The following RRM2B variants were observed in gnomAD, a reference collection of about 807,000 sequenced individuals.
RRM2B encodes the protein ribonucleotide reductase regulatory TP53 inducible subunit M2B.
In RRM2B, 20 loss-of-function variants were observed where a neutral mutation model predicts 45.9. That is an observed-to-expected ratio of 0.44 (90% CI 0.31 to 0.63). The LOEUF is 0.63. RRM2B is among the 30% of genes least tolerant of loss of function. RRM2B has a pLI of 0.09. For missense variants in RRM2B, 320 were observed against 414.7 expected, an observed-to-expected ratio of 0.77 and a Z score of 1.98; for synonymous variants, 124 against 132.3, an observed-to-expected ratio of 0.94 and a Z score of 0.43.
intron 5 of RRM2B, 118 bp downstream of exon 5, chr8:102,223,928 G>C (rs1185732568): frequency 5.1e-6 from 4 of 782,694 alleles, no homozygotes; most frequent in Non-Finnish European, 6.9e-6. Context: ...GTGCATTTGA[G>C]ACATTTGTAC....
intron 8 of RRM2B, among the ~76,000 whole-genome samples, chr8:102,209,383 G>C (rs1017110471): frequency 1.3e-5 from 2 of 152,146 alleles, no homozygotes; most frequent in South Asian, 2.1e-4. Flanking sequence ...AAAATGAAAA[G>C]ATGCTCAGCA....
At chr8:102,238,179 G>A (rs1811155646) in intron 1 of RRM2B, among the ~76,000 whole-genome samples, 1 of 152,184 alleles carries the variant, frequency 6.6e-6, no homozygotes, top group African/African-American at 2.4e-5. Flanking sequence ...TACAATTTTC[G>A]TGGCACTTTG....
intron 7 of RRM2B, among the ~76,000 whole-genome samples, chr8:102,213,560 A>C (rs1043978932): frequency 2.0e-5 from 3 of 152,200 alleles, no homozygotes; most frequent in Non-Finnish European, 4.4e-5. Flanking sequence ...ACACATCCTA[A>C]GTAGCGCATC....
At chr8:102,218,750 A>G in intron 6 of RRM2B, 64 bp downstream of exon 6, 3 of 1,412,814 alleles carry the variant, frequency 2.1e-6, no homozygotes, top group Non-Finnish European at 2.9e-6. Flanking sequence ...AAAGATGGAA[A>G]AGAAAAATAG....
intron 4 of RRM2B, among the ~76,000 whole-genome samples, chr8:102,224,342 CG>C (rs1810888976): frequency 6.6e-6 from 1 of 152,012 alleles, no homozygotes; most frequent in African/African-American, 2.4e-5. Context: ...CCACCACGCC[CG>C]GCTAGTATTT....
chr8:102,232,077 TC>T, intron 2 of RRM2B, 71 bp downstream of exon 2: 15 of 1,343,950 alleles, frequency 1.1e-5, no homozygotes, highest in Non-Finnish European at 1.6e-5. Context: ...TTAAAGTTAT[TC>T]AATATCCTGT....
At chr8:102,234,733 C>G (rs1811090479) in intron 1 of RRM2B, 1 of 153,166 alleles carries the variant, frequency 6.5e-6, no homozygotes, top group Admixed American at 6.5e-5. Context: ...ACCTGTAGTC[C>G]CAGCTACTCG....
chr8:102,235,580 C>T (rs1811105714), intron 1 of RRM2B, among the ~76,000 whole-genome samples: 1 of 152,234 alleles, frequency 6.6e-6, no homozygotes, highest in Non-Finnish European at 1.5e-5. Context: ...GTGCCTCACG[C>T]CTGTAATCCC....
rs1414341593 is a variant in RRM2B, at chr8:102,206,222, G to C, written c.*1911C>G. 1 of 150,824 alleles carries C rather than the reference G, an allele frequency of 6.6e-6. No individual in the cohort carries two copies. The highest frequency in any genetic ancestry group is 1.5e-5 in the Non-Finnish European group (1 of 67,526). 9.3% of individuals were successfully genotyped at this position (150,824 alleles called of 1,614,324 possible). On this transcript the variant is annotated 3_prime_UTR_variant, in exon 9 of 9. Transcript: ENST00000251810. The stretch of plus-strand genomic sequence containing the variant: ...ACATAGATGGTAAAGGACTAAATCT[G>C]AGACATTACAACCTCTAAAAAAAAA...
intron 8 of RRM2B, 47 bp downstream of exon 8, chr8:102,212,729 T>G: frequency 1.0e-6 from 1 of 985,350 alleles, no homozygotes; most frequent in Non-Finnish European, 1.6e-6. Flanking sequence ...GGTCCTTGCT[T>G]TCCTATAATA....
At chr8:102,218,504 G>A (rs924642454) in intron 6 of RRM2B, among the ~76,000 whole-genome samples, 1 of 152,062 alleles carries the variant, frequency 6.6e-6, no homozygotes, top group East Asian at 1.9e-4. Context: ...GATCGCTTGA[G>A]GCCAGGAGTT....
In RRM2B at chr8:102,235,194, T is replaced by C. The variant is rs145685059; in HGVS notation, c.49-2890A>G. On this transcript the variant is annotated intron_variant, in intron 1 of 8. Coordinates refer to ENST00000251810, the MANE Select transcript of RRM2B (RefSeq NM_015713.5). ...GGCAGAAAGAACAATGAAAAGATTATTGTACTACCCATCTCTTGCCTGAAC... is the reference window on the plus strand; with the variant it reads ...GGCAGAAAGAACAATGAAAAGATTACTGTACTACCCATCTCTTGCCTGAAC... Among the ~76,000 whole-genome samples, 351 of 152,326 alleles carry C rather than the reference T, an allele frequency of 2.3e-3. 1 individual carries two copies. The highest frequency in any genetic ancestry group is 8.2e-3 in the African/African-American group (341 of 41,578).
chr8:102,227,992 A>T (rs1159574966), intron 2 of RRM2B, among the ~76,000 whole-genome samples: 1 of 152,218 alleles, frequency 6.6e-6, no homozygotes, highest in Non-Finnish European at 1.5e-5. Context: ...GGGCAGAAGA[A>T]GATGGTCCCC....
At chr8:102,235,604 G>T (rs1811106577) in intron 1 of RRM2B, among the ~76,000 whole-genome samples, 1 of 152,180 alleles carries the variant, frequency 6.6e-6, no homozygotes, top group African/African-American at 2.4e-5. Flanking sequence ...ACTTTCGGAG[G>T]CCGAGGCGGG....
Position 102,238,854 on chromosome 8 carries a change from C to T in RRM2B, c.21G>A (p.Pro7=), listed in dbSNP as rs1450164500. 2.5e-6 allele frequency: 4 copies of T among 1,612,896 alleles called. No individual in the cohort carries two copies. In the African/African-American group the frequency reaches 5.3e-5, roughly 22 times the overall value. ...CATCCTGATCCAGCCCGGCCGCTTC[C>T]GGCCTTTCCGGGTCGCCCATCGCGC... The part of the protein sequence containing the change: MGDPER[P]EAAGLDQDER... Residue 7 remains proline (P), a synonymous_variant, in exon 1 of 9, where the codon CCG becomes CCA. Coordinates refer to ENST00000251810, the MANE Select transcript of RRM2B (RefSeq NM_015713.5).
chr8:102,224,788 T>C, intron 4 of RRM2B, 97 bp downstream of exon 4: 1 of 1,234,254 alleles, frequency 8.1e-7, no homozygotes, highest in Admixed American at 1.9e-5. Context: ...CTTCCATACT[T>C]GAATAATCTT....
intron 6 of RRM2B, among the ~76,000 whole-genome samples, chr8:102,218,264 C>T (rs969819742): frequency 3.3e-5 from 5 of 152,184 alleles, no homozygotes; most frequent in East Asian, 1.9e-4. Context: ...AAGGCCAGTG[C>T]GGGAACCTAG....
At chr8:102,238,706 G>A (rs757904084) in intron 1 of RRM2B, 121 bp downstream of exon 1, 2 of 1,567,382 alleles carry the variant, frequency 1.3e-6, no homozygotes, top group South Asian at 2.3e-5. Context: ...CTGCGGCGAG[G>A]GCGGGCGGAC....
rs192793458 is a variant in RRM2B at position 102,228,994 on chromosome 8, G to A, written c.205-2960C>T. ...CCCTCGGCTGGGCACGGTAGCTCAC[G>A]CCTGTAATCCCAGCACTTTGGGAGG... On this transcript the variant is annotated intron_variant, in intron 2 of 8. Transcript: ENST00000251810. Among the ~76,000 whole-genome samples the A allele has an allele frequency of 9.3e-3, 1,421 of 152,244 alleles. 17 individuals carry two copies. The highest frequency in any genetic ancestry group is 0.032 in the African/African-American group (1,346 of 41,534).
Sources: gnomAD v4.1 joint callset for allele counts (sites outside exome capture counted in the v4.1 genomes callset) on GRCh38, gnomAD v4.1.1 for gene constraint, MANE v1.5 for transcripts, NCBI Gene and HGNC (gene_info 2026-07-23, HGNC 2026-07-21) for gene names.